The following MYH8 variants were observed in gnomAD, a reference collection of about 807,000 sequenced individuals.
The protein encoded by MYH8 is myosin heavy chain 8, also known as myosin-8.
A neutral mutation model predicts 233.2 loss-of-function variants in MYH8; 168 were observed. The ratio of observed to expected loss-of-function variants is 0.72; its 90% CI spans 0.64 to 0.82. The LOEUF is 0.82. Ranked by LOEUF, MYH8 falls within the 40% of genes least tolerant of loss-of-function variation. The probability of loss-of-function intolerance (pLI) is 0.00; values close to 1 mark genes in which losing one functional copy is unlikely to be tolerated. For synonymous variants in MYH8, 785 were observed against 850.6 expected (o/e 0.92, Z 1.34); for missense variants, 1,995 against 2,327.8 (o/e 0.86, Z 2.94).
chr17:10,390,526 G>A lies in MYH8; in HGVS notation c.5742C>T (p.Asp1914=). 6.2e-7 allele frequency: 1 copy of A among 1,614,198 alleles called. No homozygotes were observed. ...ATTTGTTGACCTGGGACTCAGCAAT[G>A]TCAGCCCGTTCCTCGGCCTCCTCCA... ...HELEEAEERA[D]IAESQVNKLR... is the part of the protein sequence containing the mutation. Residue 1914 remains aspartate (D), a synonymous_variant, in exon 40 of 40, where the codon GAC becomes GAT. Coordinates refer to ENST00000403437, the MANE Select transcript of MYH8 (RefSeq NM_002472.3).
At chr17:10,420,310 G>T (rs1050104421) in intron 2 of MYH8, 53 bp from the exon 3 acceptor site, 2 of 1,475,940 alleles carry the variant, frequency 1.4e-6, no homozygotes, top group Non-Finnish European at 1.9e-6. Context: ...AGTCACAAAT[G>T]TGAGTTAGGA....
intron 23 of MYH8, 24 bp from the exon 24 acceptor site, chr17:10,401,475 A>G (rs2072141921): frequency 6.2e-7 from 1 of 1,614,078 alleles, no homozygotes; most frequent in South Asian, 1.1e-5. Context: ...GAAAGAGATT[A>G]TTTCTCCTAT....
rs769949645 is a variant in MYH8 at position 10,414,420 on chromosome 17, A to T, written c.870T>A (p.Tyr290Ter). ...CTGGCTTCTTATTGGAAGTGATCTG[A>T]TAAAAAATATGGTAGCTTCTTTCCG... Reference protein sequence around the residue: ...LKAERSYHIFYQITSNKKPDL... With the variant: ...LKAERSYHIF The change falls in exon 10 of 40, where the codon TAT (tyrosine) becomes TAA (stop). Residue 290 changes from tyrosine to a stop codon, truncating the protein, a stop_gained. Transcript: ENST00000403437. LOFTEE classifies it high-confidence loss of function. 1 of 1,613,706 alleles carries T rather than the reference A, an allele frequency of 6.2e-7. No homozygotes were observed. Among genetic ancestry groups the T allele is most frequent in the East Asian group, 2.2e-5 (1 of 44,870 alleles).
chr17:10,394,486 T>A, intron 34 of MYH8, 34 bp from the exon 35 acceptor site: 1 of 1,610,032 alleles, frequency 6.2e-7, no homozygotes, highest in South Asian at 1.1e-5. Flanking sequence ...CCTTAAGTGT[T>A]CTGAAGAGGA....
At chr17:10,402,209 A>G (rs542942479) in intron 22 of MYH8, among the ~76,000 whole-genome samples, 2 of 152,310 alleles carry the variant, frequency 1.3e-5, no homozygotes, top group African/African-American at 4.8e-5. Flanking sequence ...TTCAGCTGTA[A>G]TATTTAAAGA....
chr17:10,398,434 C>T lies in MYH8; in HGVS notation c.4178+10G>A, dbSNP rs372175070. The T allele has an allele frequency of 2.5e-6, 4 of 1,614,010 alleles. No individual in the cohort carries two copies. The highest frequency in any genetic ancestry group is 3.4e-6 in the Non-Finnish European group (4 of 1,179,884). Reference sequence around the variant, plus strand: ...CTGGGAGTTCCTCTTCTAGAGTTCACAGCACATACTTGGCCTCCTCCAGCT... The same window carrying T: ...CTGGGAGTTCCTCTTCTAGAGTTCATAGCACATACTTGGCCTCCTCCAGCT... On this transcript the variant is annotated intron_variant, in intron 30 of 39. Transcript: ENST00000403437.
intron 14 of MYH8, among the ~76,000 whole-genome samples, chr17:10,411,528 G>C (rs1458858657): frequency 2.6e-5 from 4 of 152,154 alleles, no homozygotes; most frequent in Admixed American, 2.6e-4. Context: ...TACTTTAAAA[G>C]TTCAACCATG....
At position 10,393,133 on chromosome 17, in the gene MYH8, G is replaced by A. The variant is rs1029245494; in HGVS notation, c.5244C>T (p.Ile1748=). 1 of 1,614,126 alleles carries A rather than the reference G, an allele frequency of 6.2e-7. No individual in the cohort carries two copies. The highest frequency in any genetic ancestry group is 1.1e-5 in the South Asian group (1 of 91,078). Residue 1748 remains isoleucine (I), a synonymous_variant, in exon 36 of 40, where the codon ATC becomes ATT. Coordinates refer to ENST00000403437, the MANE Select transcript of MYH8 (RefSeq NM_002472.3). The stretch of plus-strand genomic sequence containing the variant: ...TCTCTTCTGCATTGCGTGATTCTTG[G>A]ATTACTTCTTCCACTTCACTTTGGA... The part of the protein sequence containing the change: ...SQLQSEVEEV[I]QESRNAEEKA...
At chr17:10,401,245 C>A (rs559658308) in intron 24 of MYH8, 30 bp downstream of exon 24, 5 of 1,613,810 alleles carry the variant, frequency 3.1e-6, no homozygotes, top group East Asian at 2.2e-5. Context: ...TTAAAAAAAT[C>A]TTTCAAAGGG....
Position 10,395,133 on chromosome 17 carries a change from C to T in MYH8, c.4962G>A (p.Lys1654=), listed in dbSNP as rs2072067239. 6.2e-7 allele frequency: 1 copy of T among 1,613,088 alleles called. No individual in the cohort carries two copies. The highest frequency in any genetic ancestry group is 2.2e-5 in the East Asian group (1 of 44,886). ...GGGAGGCGAATGTGGACCCGTTTACCTTCAGGATTCCTTGGGTGTTCCTGT... is the reference window on the plus strand; with the variant it reads ...GGGAGGCGAATGTGGACCCGTTTACTTTCAGGATTCCTTGGGTGTTCCTGT... The part of the protein sequence containing the change: ...RNYRNTQGIL[K]ETQLHLDDAL... Residue 1654 remains lysine (K), a splice_region_variant and synonymous_variant, in exon 34 of 40, where the codon AAG becomes AAA. Transcript: ENST00000403437.
Position 10,411,105 on chromosome 17 carries a change from G to A in MYH8, c.1417-158C>T, listed in dbSNP as rs548720033. The stretch of plus-strand genomic sequence containing the variant: ...CAAAAAATGATCATTGGCCGGGCAC[G>A]GTGGCTCACACCTGTAATCCCAGCA... On this transcript the variant is annotated intron_variant, in intron 14 of 39. Coordinates refer to ENST00000403437, the MANE Select transcript of MYH8 (RefSeq NM_002472.3). Among the ~76,000 whole-genome samples the A allele has an allele frequency of 2.0e-4, 31 of 152,240 alleles. No individual in the cohort carries two copies. In the South Asian group the frequency reaches 5.0e-3, roughly 24 times the overall value.
chr17:10,397,099 T>C lies in MYH8; in HGVS notation c.4179-113A>G, dbSNP rs1046911438. On this transcript the variant is annotated intron_variant, in intron 30 of 39. Coordinates refer to ENST00000403437, the MANE Select transcript of MYH8 (RefSeq NM_002472.3). ...TTTTCTTTTCTTTTGTTTCTTTTTT[T>C]GAGAGACGGAGTCTCGCTCTGTCGC... 9 of 1,296,440 alleles carry C rather than the reference T, an allele frequency of 6.9e-6. No individual in the cohort carries two copies. The South Asian group carries it at 9.1e-5, about 13-fold the overall frequency. The allele number at this position is 1,296,440 out of a possible 1,614,324, so 80.3% of individuals were successfully genotyped here.
At position 10,414,407 on chromosome 17, in the gene MYH8, T is replaced by C; in HGVS notation, c.883A>G (p.Asn295Asp). ...TTACCAATTAGATCTGGCTTCTTAT[T>C]GGAAGTGATCTGATAAAAAATATGG... ...SYHIFYQITS[N>D]KKPDLIEMLL... Residue 295 changes from asparagine (N) to aspartate (D), a missense_variant, in exon 10 of 40, where the codon AAT becomes GAT. By Grantham distance (23) the Asn-to-Asp change is conservative. This residue lies in a region of MYH8 where 479 missense variants were observed against 600.9 expected (regional missense o/e 0.80). Transcript: ENST00000403437. 6.2e-7 allele frequency: 1 copy of C among 1,612,824 alleles called. No individual in the cohort carries two copies. The highest frequency in any genetic ancestry group is 8.5e-7 in the Non-Finnish European group (1 of 1,178,792).
Position 10,401,749 on chromosome 17 carries a change from C to T in MYH8, c.2725G>A (p.Glu909Lys), listed in dbSNP as rs568395488. ...DSLADAEERC[E>K]QLIKNKIQLE... The stretch of plus-strand genomic sequence containing the variant: ...TGGATTTTGTTTTTAATCAGTTGCT[C>T]ACACCTTTCCTCTGCATCAGCCAAG... Residue 909 changes from glutamate (E) to lysine (K), a missense_variant, in exon 23 of 40, where the codon GAG becomes AAG. This residue lies in a region of MYH8 where 1,498 missense variants were observed against 1,680.9 expected (regional missense o/e 0.89). Transcript: ENST00000403437. 1 of 1,614,168 alleles carries T rather than the reference C, an allele frequency of 6.2e-7. No individual in the cohort carries two copies. Among genetic ancestry groups the T allele is most frequent in the Admixed American group, 1.7e-5 (1 of 60,020 alleles).
At chr17:10,408,752 G>A (rs1567687042) in intron 17 of MYH8, among the ~76,000 whole-genome samples, 1 of 152,130 alleles carries the variant, frequency 6.6e-6, no homozygotes, top group Non-Finnish European at 1.5e-5. Context: ...AGGAACTCAG[G>A]AACATTTTCA....
Position 10,400,617 on chromosome 17 carries a change from G to T in MYH8, c.3508C>A (p.Arg1170=). The part of the protein sequence containing the change: ...TSAQVELNKK[R]EAEFQKLRRD... Reference sequence around the variant, plus strand: ...CGCAGTTTCTGAAACTCAGCCTCCCGCTTCTTGTTCAATTCCACCTGAGCA... The same window carrying T: ...CGCAGTTTCTGAAACTCAGCCTCCCTCTTCTTGTTCAATTCCACCTGAGCA... The change falls in exon 27 of 40, where the codon CGG becomes AGG. Residue 1170 remains arginine, a synonymous_variant. Transcript: ENST00000403437. The surrounding 1 kb of genome is among the most constrained non-coding windows in gnomAD (Gnocchi z 4.0). 2 of 1,614,146 alleles carry T rather than the reference G, an allele frequency of 1.2e-6. No homozygotes were observed. Among genetic ancestry groups the T allele is most frequent in the South Asian group, 2.2e-5 (2 of 91,074 alleles).
intron 22 of MYH8, among the ~76,000 whole-genome samples, chr17:10,403,342 T>C (rs2072159726): frequency 6.6e-6 from 1 of 152,196 alleles, no homozygotes; most frequent in Non-Finnish European, 1.5e-5. Context: ...ATCAATCCAG[T>C]CTAATTTATT....
rs2072324257 is a variant in MYH8 at position 10,420,162 on chromosome 17, T to C, written c.66A>G (p.Ser22=). The C allele has an allele frequency of 6.2e-7, 1 of 1,614,036 alleles. No individual in the cohort carries two copies. The highest frequency in any genetic ancestry group is 1.7e-5 in the Admixed American group (1 of 60,000). ...TTTGGGCCTCAATCCGCTCCTTTTC[T>C]GATTTTCGAAGGTAGGGAGCAGCTT... is the stretch of plus-strand genomic sequence containing the variant. ...FGEAAPYLRK[S]EKERIEAQNK... The change falls in exon 3 of 40, where the codon TCA becomes TCG. Residue 22 remains serine (S), a synonymous_variant. Coordinates refer to ENST00000403437, the MANE Select transcript of MYH8 (RefSeq NM_002472.3).
At position 10,391,874 on chromosome 17, in the gene MYH8, A is replaced by G. The variant is rs1375193342; in HGVS notation, c.5664+8T>C. 1 of 1,609,800 alleles carries G rather than the reference A, an allele frequency of 6.2e-7. No homozygotes were observed. ...TCCTTCTTTCCTCAAGGGCTTAAAGATACTTACAGCCTCCTCAGCTTGTCT... is the reference window on the plus strand; with the variant it reads ...TCCTTCTTTCCTCAAGGGCTTAAAGGTACTTACAGCCTCCTCAGCTTGTCT... On this transcript the variant is annotated splice_region_variant and intron_variant, in intron 39 of 39. Transcript: ENST00000403437.
Sources: gnomAD v4.1 joint callset for allele counts (sites outside exome capture counted in the v4.1 genomes callset) on GRCh38, gnomAD v4.1.1 for gene constraint, gnomAD v4.1.1 regional missense constraint, Gnocchi (gnomAD v3.1) non-coding constraint, MANE v1.5 for transcripts, NCBI Gene and HGNC (gene_info 2026-07-23, HGNC 2026-07-21) for gene names.